RBL1: variants seen among roughly 807,000 people sequenced by gnomAD.
RBL1 encodes the protein retinoblastoma-like protein 1.
In RBL1, 82 loss-of-function variants were observed where a neutral mutation model predicts 123.0. The observed-to-expected ratio is 0.67, with a 90% CI of 0.56 to 0.80. RBL1 has a LOEUF of 0.80. RBL1 is among the 30% of genes least tolerant of loss of function. The pLI, the probability that RBL1 is intolerant of heterozygous loss-of-function variation, is 0.00. For synonymous variants in RBL1, 405 were observed against 441.3 expected, an observed-to-expected ratio of 0.92 and a Z score of 1.03; for missense variants, 1,171 against 1,299.6, an observed-to-expected ratio of 0.90 and a Z score of 1.52.
At chr20:37,055,999 A>C in intron 10 of RBL1, 147 bp downstream of exon 10, 2 of 1,329,826 alleles carry the variant, frequency 1.5e-6, no homozygotes. Context: ...GTGAGTCGAG[A>C]TCATGCCATT....
chr20:37,007,311 G>A, intron 20 of RBL1, 100 bp downstream of exon 20: 2 of 1,248,980 alleles, frequency 1.6e-6, no homozygotes, highest in South Asian at 2.6e-5. Flanking sequence ...CTGATTAATT[G>A]CTAGTAATTT....
At chr20:37,093,357 T>C (rs1437007245) in intron 1 of RBL1, among the ~76,000 whole-genome samples, 1 of 152,078 alleles carries the variant, frequency 6.6e-6, no homozygotes, top group Non-Finnish European at 1.5e-5. Flanking sequence ...AAAGCAAGCA[T>C]TGGGCTGGGC....
At chr20:37,008,168 T>C (rs1459038620) in intron 19 of RBL1, among the ~76,000 whole-genome samples, 1 of 152,216 alleles carries the variant, frequency 6.6e-6, no homozygotes, top group Non-Finnish European at 1.5e-5. Context: ...AGCCCTGGGC[T>C]GGTGTTTAGC....
intron 11 of RBL1, chr20:37,049,254 A>G: frequency 3.8e-6 from 2 of 524,396 alleles, no homozygotes; most frequent in Non-Finnish European, 6.9e-6. Flanking sequence ...CCATCTGCAA[A>G]TGCAGATTTT....
rs779720772 is a variant in RBL1, at chr20:37,065,477, T to C, written c.847-4A>G. 3 of 1,586,638 alleles carry C rather than the reference T, an allele frequency of 1.9e-6. No homozygotes were observed. The Admixed American group carries it at 5.1e-5, about 27-fold the overall frequency. On this transcript the variant is annotated splice_region_variant and splice_polypyrimidine_tract_variant and intron_variant, in intron 6 of 21. Transcript: ENST00000373664. Reference sequence around the variant, plus strand: ...GGAGGCATTCTCCTTTTAATATCTGTGAACAAAAAATTATTTTGGGACACC... The same window carrying C: ...GGAGGCATTCTCCTTTTAATATCTGCGAACAAAAAATTATTTTGGGACACC...
At chr20:37,086,082 T>C (rs922507859) in intron 2 of RBL1, among the ~76,000 whole-genome samples, 10 of 152,148 alleles carry the variant, frequency 6.6e-5, no homozygotes, top group African/African-American at 2.4e-4. Flanking sequence ...TACATTTGTT[T>C]TGTTATAATT....
intron 1 of RBL1, among the ~76,000 whole-genome samples, chr20:37,094,541 C>T (rs1166916564): frequency 6.6e-6 from 1 of 151,824 alleles, no homozygotes; most frequent in East Asian, 1.9e-4. Flanking sequence ...GTGGGTCCAG[C>T]GCCCTTGGCA....
At chr20:37,083,284 A>G (rs1259062899) in intron 2 of RBL1, among the ~76,000 whole-genome samples, 1 of 151,230 alleles carries the variant, frequency 6.6e-6, no homozygotes, top group Admixed American at 6.6e-5. Context: ...CCTGGCCAAC[A>G]TGGTGAAATC....
At chr20:37,059,349 C>A (rs1013747811) in intron 9 of RBL1, among the ~76,000 whole-genome samples, 1 of 152,176 alleles carries the variant, frequency 6.6e-6, no homozygotes, top group South Asian at 2.1e-4. Context: ...ACCAGGGCTT[C>A]GCTTTGTCTT....
At chr20:37,095,741 AG>A in intron 1 of RBL1, 31 bp downstream of exon 1, 1 of 1,546,292 alleles carries the variant, frequency 6.5e-7, no homozygotes, top group Non-Finnish European at 8.8e-7. Flanking sequence ...TGGCGAGGGT[AG>A]GGTCCGGCCG....
At position 36,998,606 on chromosome 20, in the gene RBL1, A is replaced by G. The variant is rs2063914224; in HGVS notation, c.*153T>C. 3.1e-5 allele frequency: 20 copies of G among 649,498 alleles called. 1 individual carries two copies. The South Asian group carries it at 3.7e-4, about 12-fold the overall frequency. The allele number at this position is 649,498 out of a possible 1,614,324, so 40.2% of individuals were successfully genotyped here. A position where few individuals can be genotyped will look rare whatever the true frequency, so the allele number is the denominator to read the frequency against. On this transcript the variant is annotated 3_prime_UTR_variant, in exon 22 of 22. Coordinates refer to ENST00000373664, the MANE Select transcript of RBL1 (RefSeq NM_002895.5). The stretch of plus-strand genomic sequence containing the variant: ...TACATCTCTGTCAACTACATTTTGG[A>G]TAAATATTTTAAAAAGCACATAATT...
At chr20:37,061,073 C>A in intron 9 of RBL1, 30 bp downstream of exon 9, 1 of 1,489,918 alleles carries the variant, frequency 6.7e-7, no homozygotes, top group South Asian at 1.4e-5. Flanking sequence ...TTTAAAAAGA[C>A]ATTTGGAAAA....
chr20:37,045,726 G>A (rs2064809473), intron 12 of RBL1, among the ~76,000 whole-genome samples: 1 of 152,170 alleles, frequency 6.6e-6, no homozygotes, highest in South Asian at 2.1e-4. Flanking sequence ...TAAAGTGAGT[G>A]TATAGTAGAA....
At chr20:37,088,604 T>C (rs928370110) in intron 2 of RBL1, among the ~76,000 whole-genome samples, 2 of 151,746 alleles carry the variant, frequency 1.3e-5, no homozygotes, top group African/African-American at 2.4e-5. Flanking sequence ...TATAATCCCA[T>C]AGCACTTTGG....
rs757418265 is a variant in RBL1 at position 37,003,698 on chromosome 20, T to C, written c.3036+4A>G. On this transcript the variant is annotated splice_donor_region_variant and intron_variant, in intron 21 of 21. Transcript: ENST00000373664. ...AAATCCAACTTTTAGCCTATTCACC[T>C]TACCTTAGAAGGGCTGCCATTGAAC... The C allele has an allele frequency of 6.3e-7, 1 of 1,599,404 alleles. No homozygotes were observed. The highest frequency in any genetic ancestry group is 1.1e-5 in the South Asian group (1 of 88,138).
At chr20:37,000,359 A>G (rs1173249430) in intron 21 of RBL1, among the ~76,000 whole-genome samples, 39 of 122,496 alleles carry the variant, frequency 3.2e-4, no homozygotes, top group East Asian at 6.8e-4. Context: ...CCCCGTCCAG[A>G]AGGGAGGTGG....
intron 9 of RBL1, among the ~76,000 whole-genome samples, chr20:37,058,056 C>G (rs1032370302): frequency 6.2e-5 from 9 of 144,200 alleles, no homozygotes; most frequent in African/African-American, 2.3e-4. Flanking sequence ...ACCTGGGAGG[C>G]GAAGGCTGCA....
chr20:37,043,797 C>CTAGAA (rs2064771798), intron 13 of RBL1, among the ~76,000 whole-genome samples: 1 of 152,182 alleles, frequency 6.6e-6, no homozygotes, highest in Admixed American at 6.5e-5. Flanking sequence ...TATGAAATGT[C>CTAGAA]TAGAATAGGC....
intron 7 of RBL1, among the ~76,000 whole-genome samples, chr20:37,064,935 T>C (rs533776293): frequency 2.7e-4 from 41 of 151,220 alleles, no homozygotes; most frequent in Non-Finnish European, 3.7e-4. Flanking sequence ...CTCTTTCTTT[T>C]TTTTTTTTTT....
Sources: allele counts gnomAD v4.1 joint callset (sites outside exome capture counted in the v4.1 genomes callset), GRCh38; gene constraint gnomAD v4.1.1; transcripts MANE v1.5; gene names NCBI Gene and HGNC (gene_info 2026-07-23, HGNC 2026-07-21).